Variants in CERT1 observed in about 807,000 individuals in gnomAD.
The protein encoded by CERT1 is ceramide transfer protein.
A neutral mutation model predicts 87.9 loss-of-function variants in CERT1; 31 were observed. The ratio of observed to expected loss-of-function variants is 0.35; its 90% CI spans 0.27 to 0.48. The LOEUF (loss-of-function observed/expected upper bound fraction) is 0.48. Ranked by LOEUF, CERT1 falls within the 20% of genes least tolerant of loss-of-function variation. The pLI is 0.99. For synonymous variants in CERT1, 289 were observed against 250.9 expected (o/e 1.15, Z -1.44); for missense variants, 487 against 758.0 (o/e 0.64, Z 4.20).
intron 6 of CERT1, among the ~76,000 whole-genome samples, chr5:75,418,267 T>C (rs925001594): frequency 6.6e-6 from 1 of 152,190 alleles, no homozygotes; most frequent in Non-Finnish European, 1.5e-5. Context: ...AGGTGCTTAA[T>C]ATCACTAGTT....
intron 2 of CERT1, among the ~76,000 whole-genome samples, chr5:75,491,613 C>T (rs928119042): frequency 6.6e-6 from 1 of 152,140 alleles, no homozygotes; most frequent in Non-Finnish European, 1.5e-5. Context: ...TCTAATTTTC[C>T]TTGCCACAGG....
At chr5:75,508,826 A>G (rs1767781389) in intron 1 of CERT1, among the ~76,000 whole-genome samples, 1 of 152,186 alleles carries the variant, frequency 6.6e-6, no homozygotes, top group Non-Finnish European at 1.5e-5. Flanking sequence ...AAGGATGGAC[A>G]GAATTTCAAA....
chr5:75,383,154 T>C (rs1761654591), intron 14 of CERT1, among the ~76,000 whole-genome samples: 1 of 152,072 alleles, frequency 6.6e-6, no homozygotes, highest in African/African-American at 2.4e-5. Flanking sequence ...TTTGGGGTGA[T>C]GATAAATTTC....
intron 5 of CERT1, 111 bp from the exon 6 acceptor site, chr5:75,419,535 C>G: frequency 1.4e-6 from 1 of 706,936 alleles, no homozygotes; most frequent in Non-Finnish European, 2.4e-6. Context: ...AGTATGAAGT[C>G]TTACTCATCT....
intron 16 of CERT1, 149 bp downstream of exon 16, chr5:75,380,923 C>T (rs1338130356): frequency 5.2e-6 from 4 of 769,370 alleles, no homozygotes; most frequent in Non-Finnish European, 8.4e-6. Flanking sequence ...TTCAAAGATT[C>T]TCTAGTAATT....
chr5:75,400,408 G>A, intron 9 of CERT1, 111 bp from the exon 10 acceptor site: 2 of 666,044 alleles, frequency 3.0e-6, no homozygotes, highest in South Asian at 4.4e-5. Context: ...ACGCCTTAGT[G>A]CTTATAACCA....
At chr5:75,377,405 T>C (rs1761364398), downstream of CERT1, 2 of 152,216 alleles carry the variant, frequency 1.3e-5, no homozygotes, top group South Asian at 2.1e-4. Flanking sequence ...CATATAAACT[T>C]GCAAGTACAA....
chr5:75,456,922 G>A (rs1304751386), intron 3 of CERT1, among the ~76,000 whole-genome samples: 1 of 151,998 alleles, frequency 6.6e-6, no homozygotes, highest in Non-Finnish European at 1.5e-5. Flanking sequence ...ACCTTGCAAA[G>A]GAACTGTCAT....
At chr5:75,413,108 C>T (rs1396820981) in intron 7 of CERT1, among the ~76,000 whole-genome samples, 1 of 151,788 alleles carries the variant, frequency 6.6e-6, no homozygotes, top group Non-Finnish European at 1.5e-5. Context: ...ACTTTTTAAA[C>T]TTTTTTGTTA....
intron 7 of CERT1, among the ~76,000 whole-genome samples, chr5:75,414,637 G>A (rs1763067480): frequency 6.6e-6 from 1 of 152,070 alleles, no homozygotes; most frequent in African/African-American, 2.4e-5. Flanking sequence ...TTCTTCTACA[G>A]TGGAAAGGAT....
At chr5:75,470,690 GA>G (rs1181445212) in intron 2 of CERT1, among the ~76,000 whole-genome samples, 1 of 152,184 alleles carries the variant, frequency 6.6e-6, no homozygotes. Flanking sequence ...TTTTCTCCAA[GA>G]TCCTGAACAA....
At chr5:75,429,509 T>C (rs1763777516) in intron 3 of CERT1, among the ~76,000 whole-genome samples, 1 of 152,040 alleles carries the variant, frequency 6.6e-6, no homozygotes, top group Non-Finnish European at 1.5e-5. Flanking sequence ...GCCCAAAATA[T>C]CCTGGAATTC....
chr5:75,511,634 T>A (rs1309679375), upstream of CERT1: 26 of 1,482,390 alleles, frequency 1.8e-5, no homozygotes, highest in Admixed American at 2.3e-5. Flanking sequence ...CTATTTACCC[T>A]CCCCTCCCCT....
At chr5:75,418,883 CTA>C (rs1159202242) in intron 6 of CERT1, among the ~76,000 whole-genome samples, 5 of 152,268 alleles carry the variant, frequency 3.3e-5, no homozygotes, top group African/African-American at 1.2e-4. Context: ...TAAATGTTAA[CTA>C]TCTTGATTGT....
At chr5:75,372,933 C>G (rs1200693953), downstream of CERT1, 1 of 152,244 alleles carries the variant, frequency 6.6e-6, no homozygotes, top group African/African-American at 2.4e-5. Context: ...TGTGTAAACA[C>G]AATGAAGATT....
chr5:75,486,731 A>C (rs1766540235), intron 2 of CERT1, among the ~76,000 whole-genome samples: 2 of 152,090 alleles, frequency 1.3e-5, no homozygotes. Flanking sequence ...TTCCATTTAT[A>C]ATAGCTAGAA....
chr5:75,459,619 G>C (rs1461174719), intron 2 of CERT1, among the ~76,000 whole-genome samples: 1 of 152,034 alleles, frequency 6.6e-6, no homozygotes. Flanking sequence ...TCCCAACTGG[G>C]ACTACTGGCA....
At chr5:75,511,836 GT>G, upstream of CERT1, 1 of 1,548,966 alleles carries the variant, frequency 6.5e-7, no homozygotes, top group Non-Finnish European at 8.7e-7. Context: ...GGATGCAGCT[GT>G]GCTGCATTCT....
chr5:75,417,951 G>A (rs185247837), intron 6 of CERT1, among the ~76,000 whole-genome samples: 22 of 152,364 alleles, frequency 1.4e-4, no homozygotes, highest in African/African-American at 5.3e-4. Context: ...GAAGCTGGGA[G>A]TTCGAGACCA....
Sources: allele counts gnomAD v4.1 joint callset (sites outside exome capture counted in the v4.1 genomes callset), GRCh38; gene constraint gnomAD v4.1.1; transcripts MANE v1.5; gene names NCBI Gene and HGNC (gene_info 2026-07-23, HGNC 2026-07-21).